FSTL5: variants seen among roughly 807,000 people sequenced by gnomAD.
The protein encoded by FSTL5 is follistatin like 5, also known as follistatin-related protein 5.
FSTL5 carries 62 observed loss-of-function variants against 89.1 expected under a neutral mutation model. That is an observed-to-expected ratio of 0.70 (90% CI 0.57 to 0.86). The LOEUF (loss-of-function observed/expected upper bound fraction) is 0.86, where lower values mean the gene tolerates loss of function less well. Ranked by LOEUF, FSTL5 falls within the 40% of genes least tolerant of loss-of-function variation. FSTL5 has a pLI of 0.00. For missense variants in FSTL5, 1,057 were observed against 1,001.6 expected (o/e 1.06, Z -0.75); for synonymous variants, 383 against 346.2 (o/e 1.11, Z -1.18).
intron 3 of FSTL5, among the ~76,000 whole-genome samples, chr4:162,019,389 C>T (rs1489847258): frequency 6.6e-6 from 1 of 151,888 alleles, no homozygotes; most frequent in Non-Finnish European, 1.5e-5. Context: ...AAAAAATTAA[C>T]ATTAGTCTAT....
chr4:161,563,554 CTTCT>C (rs1388877467), intron 8 of FSTL5, among the ~76,000 whole-genome samples: 1 of 151,852 alleles, frequency 6.6e-6, no homozygotes, highest in Non-Finnish European at 1.5e-5. Context: ...TTAGGCTGTG[CTTCT>C]TTATTATTAT....
intron 4 of FSTL5, among the ~76,000 whole-genome samples, chr4:161,795,106 GAGA>G (rs1427247928): frequency 6.6e-6 from 1 of 151,836 alleles, no homozygotes. Context: ...AGTTTTAAAA[GAGA>G]AGAATACAAA....
intron 4 of FSTL5, among the ~76,000 whole-genome samples, chr4:161,858,872 A>G (rs570661840): frequency 6.6e-6 from 1 of 152,286 alleles, no homozygotes. Context: ...ATTCTGTAAT[A>G]CATTTATGTA....
intron 2 of FSTL5, among the ~76,000 whole-genome samples, chr4:162,098,325 G>A (rs1306094678): frequency 2.6e-5 from 4 of 151,942 alleles, no homozygotes; most frequent in Non-Finnish European, 2.9e-5. Flanking sequence ...AATGGAAGCG[G>A]AGATTGATAG....
At chr4:161,465,552 GCTA>G (rs1399804617) in intron 13 of FSTL5, among the ~76,000 whole-genome samples, 1 of 152,046 alleles carries the variant, frequency 6.6e-6, no homozygotes, top group Admixed American at 6.6e-5. Flanking sequence ...TTCCCAAGCA[GCTA>G]CAGACAAGTG....
At chr4:162,150,201 A>C (rs1180965199) in intron 1 of FSTL5, among the ~76,000 whole-genome samples, 1 of 152,202 alleles carries the variant, frequency 6.6e-6, no homozygotes, top group African/African-American at 2.4e-5. Context: ...TTTTAAAGGA[A>C]GACTTTCGAC....
intron 4 of FSTL5, among the ~76,000 whole-genome samples, chr4:161,777,342 C>T (rs189641331): frequency 4.2e-4 from 64 of 151,172 alleles, no homozygotes; most frequent in African/African-American, 1.5e-3. Context: ...TTGACTAGTG[C>T]TGTGATAAAC....
intron 6 of FSTL5, among the ~76,000 whole-genome samples, chr4:161,657,022 A>G (rs1324434411): frequency 6.6e-6 from 1 of 152,216 alleles, no homozygotes; most frequent in East Asian, 1.9e-4. Flanking sequence ...GTAAAATTCC[A>G]TCAGCTGTCT....
chr4:161,509,332 A>G (rs928163102), intron 11 of FSTL5, among the ~76,000 whole-genome samples: 11 of 152,146 alleles, frequency 7.2e-5, no homozygotes, highest in African/African-American at 2.7e-4. Context: ...ATAAGTAAGT[A>G]CTGATATGTC....
intron 8 of FSTL5, among the ~76,000 whole-genome samples, chr4:161,545,400 G>A (rs1163497695): frequency 6.6e-6 from 1 of 151,750 alleles, no homozygotes; most frequent in Non-Finnish European, 1.5e-5. Flanking sequence ...GAGAGGTTTT[G>A]TATTTTTCTT....
intron 15 of FSTL5, among the ~76,000 whole-genome samples, chr4:161,396,598 A>C (rs186306521): frequency 2.6e-5 from 4 of 151,570 alleles, no homozygotes; most frequent in African/African-American, 9.7e-5. Flanking sequence ...AGGTTGCAGT[A>C]AGCTGAGATC....
chr4:161,648,487 T>A (rs927089792), intron 7 of FSTL5, among the ~76,000 whole-genome samples: 1 of 152,166 alleles, frequency 6.6e-6, no homozygotes, highest in Non-Finnish European at 1.5e-5. Flanking sequence ...AGTGTTCTTA[T>A]CTCAATTTTT....
chr4:161,883,482 A>G (rs1319598602), intron 4 of FSTL5, among the ~76,000 whole-genome samples: 3 of 152,218 alleles, frequency 2.0e-5, no homozygotes, highest in Non-Finnish European at 2.9e-5. Context: ...TTCTTTACTA[A>G]GTAATTTAAA....
chr4:161,402,864 C>T (rs1329513870), intron 15 of FSTL5, among the ~76,000 whole-genome samples: 1 of 151,584 alleles, frequency 6.6e-6, no homozygotes, highest in African/African-American at 2.4e-5. Flanking sequence ...CTCTGTTGCC[C>T]AGGCTGGAGT....
At chr4:161,837,272 C>A (rs532685328) in intron 4 of FSTL5, among the ~76,000 whole-genome samples, 73 of 151,852 alleles carry the variant, frequency 4.8e-4, no homozygotes, top group South Asian at 4.6e-3. Context: ...AAAGAAGAGT[C>A]CATGAAATTG....
intron 8 of FSTL5, among the ~76,000 whole-genome samples, chr4:161,580,969 T>TG (rs2126599201): frequency 6.6e-6 from 1 of 152,220 alleles, no homozygotes; most frequent in African/African-American, 2.4e-5. Flanking sequence ...CTGTCTGCTG[T>TG]GGGGCCTCAT....
chr4:161,874,634 TTGTC>T (rs1169111895), intron 4 of FSTL5, among the ~76,000 whole-genome samples: 4 of 151,696 alleles, frequency 2.6e-5, no homozygotes, highest in African/African-American at 9.6e-5. Flanking sequence ...TTCCATCTCT[TTGTC>T]TGTGCTACAT....
chr4:161,583,368 C>T (rs77677820), intron 8 of FSTL5, among the ~76,000 whole-genome samples: 2 of 152,154 alleles, frequency 1.3e-5, no homozygotes, highest in Non-Finnish European at 2.9e-5. Context: ...ATAGAGGAAG[C>T]TTATGATATT....
intron 3 of FSTL5, among the ~76,000 whole-genome samples, chr4:162,005,009 T>C (rs1181540588): frequency 6.6e-6 from 1 of 152,152 alleles, no homozygotes; most frequent in African/African-American, 2.4e-5. Flanking sequence ...CTTATAAAAT[T>C]TGTAAACTCT....
Sources: gnomAD v4.1 joint callset for allele counts (sites outside exome capture counted in the v4.1 genomes callset) on GRCh38, gnomAD v4.1.1 for gene constraint, MANE v1.5 for transcripts, NCBI Gene and HGNC (gene_info 2026-07-23, HGNC 2026-07-21) for gene names.